The following NCOA7 variants were observed in gnomAD, a reference collection of about 807,000 sequenced individuals.
NCOA7 encodes nuclear receptor coactivator 7, also known as 140 kDa estrogen receptor-associated protein.
NCOA7 carries 45 observed loss-of-function variants against 104.3 expected under a neutral mutation model. The ratio of observed to expected loss-of-function variants is 0.43; its 90% CI spans 0.34 to 0.55. The LOEUF (loss-of-function observed/expected upper bound fraction) is 0.55. Ranked by LOEUF, NCOA7 falls within the 20% of genes least tolerant of loss-of-function variation. The pLI, the probability that NCOA7 is intolerant of heterozygous loss-of-function variation, is 0.02. For missense variants in NCOA7, 1,041 were observed against 1,119.7 expected (o/e 0.93, Z 1.00); for synonymous variants, 398 against 402.3 (o/e 0.99, Z 0.13).
chr6:125,849,522 A>G (rs1259923245), intron 2 of NCOA7, among the ~76,000 whole-genome samples: 1 of 152,136 alleles, frequency 6.6e-6, no homozygotes, highest in Non-Finnish European at 1.5e-5. Flanking sequence ...TTAGCATTGC[A>G]TTTGTTCTAA....
At chr6:125,844,042 C>A (rs1780382957) in intron 2 of NCOA7, among the ~76,000 whole-genome samples, 1 of 152,358 alleles carries the variant, frequency 6.6e-6, no homozygotes, top group South Asian at 2.1e-4. Context: ...TTCTGGCCCC[C>A]ACACTTTGGT....
At chr6:125,830,079 C>G (rs1190691453) in intron 2 of NCOA7, among the ~76,000 whole-genome samples, 1 of 152,148 alleles carries the variant, frequency 6.6e-6, no homozygotes, top group African/African-American at 2.4e-5. Flanking sequence ...ACCCTCAAGG[C>G]TGCTTATTTC....
chr6:125,901,695 A>G (rs1785519435), intron 10 of NCOA7, among the ~76,000 whole-genome samples: 1 of 152,154 alleles, frequency 6.6e-6, no homozygotes, highest in Non-Finnish European at 1.5e-5. Context: ...TAAGTGTTAA[A>G]CCAGCTTAGT....
intron 2 of NCOA7, among the ~76,000 whole-genome samples, chr6:125,824,668 T>C (rs1778490202): frequency 3.9e-5 from 6 of 152,198 alleles, no homozygotes; most frequent in Admixed American, 2.6e-4. Flanking sequence ...TTTAGTCATA[T>C]GCTTCAGTGA....
chr6:125,884,486 A>G (rs1008019589), intron 7 of NCOA7, among the ~76,000 whole-genome samples: 5 of 152,214 alleles, frequency 3.3e-5, no homozygotes, highest in African/African-American at 1.2e-4. Flanking sequence ...CATGGTAGAT[A>G]ATATCCGTAT....
At chr6:125,883,777 T>C (rs1269392952) in intron 7 of NCOA7, among the ~76,000 whole-genome samples, 1 of 145,752 alleles carries the variant, frequency 6.9e-6, no homozygotes, top group Non-Finnish European at 1.5e-5. Context: ...TGGAGTGCAA[T>C]GGTGCGATCT....
chr6:125,922,920 A>G lies in NCOA7; in HGVS notation c.2523+86A>G, dbSNP rs1787714305. Reference sequence around the variant, plus strand: ...AGAGAGACTAGTACCATATACTTCCATCACCCAGATTCCACAGTTAACAGG... The same window carrying G: ...AGAGAGACTAGTACCATATACTTCCGTCACCCAGATTCCACAGTTAACAGG... On this transcript the variant is annotated intron_variant, in intron 13 of 15. Transcript: ENST00000392477. 4 of 1,204,668 alleles carry G rather than the reference A, an allele frequency of 3.3e-6. No individual in the cohort carries two copies. The Admixed American group carries it at 1.1e-4, about 34-fold the overall frequency. 74.6% of individuals were successfully genotyped at this position (1,204,668 alleles called of 1,614,324 possible).
At chr6:125,927,630 A>G in intron 13 of NCOA7, 33 bp from the exon 14 acceptor site, 1 of 1,507,506 alleles carries the variant, frequency 6.6e-7, no homozygotes, top group South Asian at 1.1e-5. Context: ...TTTAGGTTTG[A>G]ATGTAGGTAA....
At chr6:125,822,610 A>C (rs895588384) in intron 2 of NCOA7, among the ~76,000 whole-genome samples, 1 of 152,160 alleles carries the variant, frequency 6.6e-6, no homozygotes, top group Non-Finnish European at 1.5e-5. Context: ...ACTAAGTATT[A>C]GTGTCTACTT....
chr6:125,795,187 G>T (rs1399648327), intron 1 of NCOA7, among the ~76,000 whole-genome samples: 1 of 152,144 alleles, frequency 6.6e-6, no homozygotes, highest in East Asian at 1.9e-4. Flanking sequence ...TTTCTCAAGG[G>T]TCAGTCATTG....
At chr6:125,904,244 C>T (rs1278055842) in intron 10 of NCOA7, among the ~76,000 whole-genome samples, 2 of 152,146 alleles carry the variant, frequency 1.3e-5, no homozygotes, top group Non-Finnish European at 2.9e-5. Flanking sequence ...AATTCCTTCC[C>T]TGCCTCTTGA....
intron 10 of NCOA7, among the ~76,000 whole-genome samples, chr6:125,904,101 G>A (rs1785752626): frequency 6.6e-6 from 1 of 152,196 alleles, no homozygotes; most frequent in Non-Finnish European, 1.5e-5. Context: ...CACAGGCTGA[G>A]TTCCAAGTAT....
chr6:125,855,075 A>C lies in NCOA7; in HGVS notation c.106A>C (p.Thr36Pro). Residue 36 changes from threonine (T) to proline (P), a missense_variant, in exon 3 of 16, where the codon ACA (threonine) becomes CCA (proline). Transcript: ENST00000392477. ...TGCAGAGACAGCCTCAGCTGTAGCT[A>C]CAAGGACTCATACTGGGAAGGAAGA... ...QNAETASAVATRTHTGKEDNN... is the reference protein window; with the variant it reads ...QNAETASAVAPRTHTGKEDNN... The C allele has an allele frequency of 1.2e-6, 2 of 1,613,346 alleles. No homozygotes were observed. Among genetic ancestry groups the C allele is most frequent in the Non-Finnish European group, 1.7e-6 (2 of 1,179,942 alleles).
At chr6:125,859,407 C>T (rs936179143) in intron 3 of NCOA7, among the ~76,000 whole-genome samples, 4 of 152,094 alleles carry the variant, frequency 2.6e-5, no homozygotes, top group Admixed American at 6.6e-5. Context: ...TCAGAAGAAT[C>T]TGCATGTGTA....
At position 125,823,480 on chromosome 6, in the gene NCOA7, T is replaced by A. The variant is rs570776373; in HGVS notation, c.50+8076T>A. On this transcript the variant is annotated intron_variant, in intron 2 of 15. Coordinates refer to ENST00000392477, the MANE Select transcript of NCOA7 (RefSeq NM_181782.5). ...CAGTATTACAAATTACTAACTAAAC[T>A]GTTGTATGAGCCGTGATGTTAAGGC... 6.6e-5 allele frequency among the ~76,000 whole-genome samples: 10 copies of A among 152,326 alleles called. No individual in the cohort carries two copies. In the East Asian group the frequency reaches 1.9e-3, roughly 29 times the overall value.
At chr6:125,859,873 A>C (rs1781894310) in intron 3 of NCOA7, among the ~76,000 whole-genome samples, 1 of 152,212 alleles carries the variant, frequency 6.6e-6, no homozygotes, top group Non-Finnish European at 1.5e-5. Context: ...AGGAAAACAC[A>C]ACAGTTCAGA....
At chr6:125,926,182 G>A (rs892642357) in intron 13 of NCOA7, among the ~76,000 whole-genome samples, 1 of 151,906 alleles carries the variant, frequency 6.6e-6, no homozygotes, top group Non-Finnish European at 1.5e-5. Flanking sequence ...ATAGTGGTGT[G>A]CACCTGTAAT....
At chr6:125,807,926 A>G (rs1313281835) in intron 1 of NCOA7, among the ~76,000 whole-genome samples, 2 of 152,144 alleles carry the variant, frequency 1.3e-5, no homozygotes, top group African/African-American at 2.4e-5. Context: ...ACATCTACCT[A>G]CACACCCAAC....
chr6:125,882,618 A>T, intron 7 of NCOA7, 67 bp downstream of exon 7: 1 of 1,557,370 alleles, frequency 6.4e-7, no homozygotes, highest in East Asian at 2.3e-5. Context: ...GTTACAAATT[A>T]CTGGAACAGA....
Sources: allele counts gnomAD v4.1 joint callset (sites outside exome capture counted in the v4.1 genomes callset), GRCh38; gene constraint gnomAD v4.1.1; transcripts MANE v1.5; gene names NCBI Gene and HGNC (gene_info 2026-07-23, HGNC 2026-07-21).